Variants in SMG5 observed in about 807,000 individuals in gnomAD.
SMG5 encodes nonsense-mediated mRNA decay factor SMG5.
SMG5 carries 53 observed loss-of-function variants against 122.9 expected under a neutral mutation model. That is an observed-to-expected ratio of 0.43 (90% confidence interval 0.35 to 0.54). The LOEUF (loss-of-function observed/expected upper bound fraction) is 0.54. Among genes scored for constraint, SMG5 ranks in the 20% least tolerant of loss-of-function variants. SMG5 has a pLI of 0.01. For synonymous variants in SMG5, 477 were observed against 490.2 expected (o/e 0.97, Z 0.35); for missense variants, 1,153 against 1,285.6 (o/e 0.90, Z 1.58).
intron 16 of SMG5, among the ~76,000 whole-genome samples, chr1:156,256,306 CTCTCTTTTT>C (rs1661573394): frequency 1.4e-5 from 2 of 138,202 alleles, no homozygotes; most frequent in Non-Finnish European, 1.6e-5. Flanking sequence ...GAGCCATCTT[CTCTCTTTTT>C]TTTTTTTTTT....
chr1:156,262,465 G>A (rs1311436001), intron 13 of SMG5, among the ~76,000 whole-genome samples: 1 of 127,186 alleles, frequency 7.9e-6, no homozygotes, highest in Non-Finnish European at 1.6e-5. Flanking sequence ...GACAGAGCCA[G>A]ACTCCATCTC....
At chr1:156,255,188 G>A (rs1209062210) in intron 16 of SMG5, among the ~76,000 whole-genome samples, 7 of 151,322 alleles carry the variant, frequency 4.6e-5, no homozygotes, top group Admixed American at 4.6e-4. Flanking sequence ...TTGGGAGACC[G>A]AGGTCAGGAG....
At chr1:156,279,374 C>T (rs1486151261) in intron 1 of SMG5, among the ~76,000 whole-genome samples, 2 of 152,076 alleles carry the variant, frequency 1.3e-5, no homozygotes. Context: ...AAAGCATTAC[C>T]CTACCCAAAA....
chr1:156,260,732 C>T, intron 14 of SMG5, 106 bp from the exon 15 acceptor site: 2 of 1,039,728 alleles, frequency 1.9e-6, no homozygotes, highest in East Asian at 3.0e-5. Context: ...GATGATGAGG[C>T]AGGACATACC....
the SMG5 span, among the ~76,000 whole-genome samples, chr1:156,289,813 C>T: frequency 6.6e-6 from 1 of 152,162 alleles, no homozygotes; most frequent in African/African-American, 2.4e-5. Flanking sequence ...GTTGCTCTCC[C>T]CTCCCTCCAT....
At chr1:156,286,294 T>A, upstream of SMG5, 1 of 1,614,220 alleles carries the variant, frequency 6.2e-7, no homozygotes. Flanking sequence ...TGTTATGCTT[T>A]TCTGCCCTTC....
intron 20 of SMG5, 143 bp downstream of exon 20, chr1:156,251,260 G>T: frequency 9.6e-7 from 1 of 1,041,936 alleles, no homozygotes; most frequent in Non-Finnish European, 1.5e-6. Context: ...CGTACTCCTC[G>T]CAAGGTGAGG....
At chr1:156,270,900 G>A (rs1353162572) in intron 7 of SMG5, among the ~76,000 whole-genome samples, 1 of 151,884 alleles carries the variant, frequency 6.6e-6, no homozygotes, top group Non-Finnish European at 1.5e-5. Flanking sequence ...CTAGCTACTC[G>A]AGAGGCTGGG....
chr1:156,287,477 G>T (rs974924350), upstream of SMG5, among the ~76,000 whole-genome samples: 6 of 152,082 alleles, frequency 3.9e-5, no homozygotes, highest in Non-Finnish European at 7.4e-5. Flanking sequence ...AGGTTGGGGG[G>T]CCTGGTTGAG....
intron 17 of SMG5, 124 bp downstream of exon 17, chr1:156,253,325 A>AGAGGCGG: frequency 9.5e-7 from 1 of 1,056,688 alleles, no homozygotes; most frequent in Non-Finnish European, 1.4e-6. Flanking sequence ...GTCATCTGGG[A>AGAGGCGG]GAGGCGGAGG....
At chr1:156,274,212 G>A (rs1286361919) in intron 5 of SMG5, among the ~76,000 whole-genome samples, 2 of 152,188 alleles carry the variant, frequency 1.3e-5, no homozygotes, top group African/African-American at 2.4e-5. Context: ...CATCTGTTAG[G>A]AAGGTAAGTC....
At chr1:156,262,847 G>A (rs1407564540) in intron 13 of SMG5, among the ~76,000 whole-genome samples, 1 of 149,258 alleles carries the variant, frequency 6.7e-6, no homozygotes, top group Non-Finnish European at 1.5e-5. Context: ...TTGAATAAAT[G>A]CCTCTGGGAA....
intron 9 of SMG5, 30 bp downstream of exon 9, chr1:156,268,085 T>C (rs2101539655): frequency 1.4e-5 from 22 of 1,609,676 alleles, no homozygotes; most frequent in Non-Finnish European, 1.8e-5. Context: ...GCTCACAGGA[T>C]AGTTCAGGTT....
At position 156,268,157 on chromosome 1, in the gene SMG5, A is replaced by T. The variant is rs540475755; in HGVS notation, c.866T>A (p.Val289Glu). 1 of 1,614,192 alleles carries T rather than the reference A, an allele frequency of 6.2e-7. No homozygotes were observed. The highest frequency in any genetic ancestry group is 1.3e-5 in the African/African-American group (1 of 75,042). ...KRCKDIKRLLVNFMYLQSLLQ... is the reference protein window; with the variant it reads ...KRCKDIKRLLENFMYLQSLLQ... ...GAGGCTTTGCAGATACATAAAGTTC[A>T]CTAGCAACCTTTTAATGTCTTTACA... Residue 289 changes from valine (V) to glutamate (E), a missense_variant, in exon 9 of 22, where the codon GTG (valine) becomes GAG (glutamate). Val to Glu is a moderately radical substitution (Grantham distance 121). Coordinates refer to ENST00000361813, the MANE Select transcript of SMG5 (RefSeq NM_015327.3).
intron 7 of SMG5, 141 bp downstream of exon 7, chr1:156,272,179 C>T: frequency 5.4e-6 from 4 of 738,388 alleles, no homozygotes; most frequent in South Asian, 1.7e-5. Flanking sequence ...GTCAGAGTCC[C>T]CCTGAATGGA....
rs1211829783 is a variant in SMG5, at chr1:156,250,990, G to C, written c.2835C>G (p.Leu945=). The change falls in exon 21 of 22, where the codon CTC becomes CTG. Residue 945 remains leucine, a synonymous_variant. Transcript: ENST00000361813. ...GTTTGCAGCTGTCTAGGATCTTATA[G>C]AGAGTCCTGGGGATGGGGGGCAGAG... is the stretch of plus-strand genomic sequence containing the variant. ...LKRQDADAWT[L]YKILDSCKQL... 1.2e-6 allele frequency: 2 copies of C among 1,613,556 alleles called. No homozygotes were observed. The highest frequency in any genetic ancestry group is 2.7e-5 in the African/African-American group (2 of 74,924).
In SMG5 at chr1:156,274,828, C is replaced by A. The variant is rs1275010601; in HGVS notation, c.455-142G>T. On this transcript the variant is annotated intron_variant, in intron 4 of 21. Transcript: ENST00000361813. ...TCTTTCAGGGCAGAGACACACTCATCCAGGACACAGGGAGAGACACAGAGG... is the reference window on the plus strand; with the variant it reads ...TCTTTCAGGGCAGAGACACACTCATACAGGACACAGGGAGAGACACAGAGG... The A allele has an allele frequency of 1.2e-5, 8 of 655,436 alleles. 1 individual carries two copies. In the South Asian group the frequency reaches 1.3e-4, roughly 10 times the overall value. The allele number at this position is 655,436 out of a possible 1,614,324, so 40.6% of individuals were successfully genotyped here. A position where few individuals can be genotyped will look rare whatever the true frequency, so the allele number is the denominator to read the frequency against.
At chr1:156,251,142 TGG>T in intron 20 of SMG5, 146 bp from the exon 21 acceptor site, 1 of 1,146,410 alleles carries the variant, frequency 8.7e-7, no homozygotes, top group Admixed American at 2.3e-5. Flanking sequence ...TGGAGACATA[TGG>T]GGAGCAGGCA....
chr1:156,285,689 G>A (rs150773008), upstream of SMG5: 35 of 1,613,560 alleles, frequency 2.2e-5, no homozygotes, highest in African/African-American at 1.2e-4. Flanking sequence ...AGGCGAGGGC[G>A]AGTGCCGAAC....
Sources: gnomAD v4.1 joint callset for allele counts (sites outside exome capture counted in the v4.1 genomes callset) on GRCh38, gnomAD v4.1.1 for gene constraint, MANE v1.5 for transcripts, NCBI Gene and HGNC (gene_info 2026-07-23, HGNC 2026-07-21) for gene names.